The following ZFAND3 variants were observed in gnomAD, a reference collection of about 807,000 sequenced individuals.
The protein encoded by ZFAND3 is AN1-type zinc finger protein 3.
Under a neutral mutation model 29.6 loss-of-function variants are expected in ZFAND3, and 10 were observed. That is an observed-to-expected ratio of 0.34 (90% CI 0.21 to 0.57). The LOEUF (loss-of-function observed/expected upper bound fraction) is 0.57. ZFAND3 is among the 20% of genes least tolerant of loss of function. ZFAND3 has a pLI of 0.86. For synonymous variants in ZFAND3, 128 were observed against 112.6 expected, an observed-to-expected ratio of 1.14 and a Z score of -0.87; for missense variants, 230 against 304.5, an observed-to-expected ratio of 0.76 and a Z score of 1.82.
At chr6:37,887,700 T>A (rs868199558) in intron 1 of ZFAND3, among the ~76,000 whole-genome samples, 3 of 152,330 alleles carry the variant, frequency 2.0e-5, no homozygotes, top group Non-Finnish European at 1.5e-5. Context: ...AAATGATTAT[T>A]TTATGTAGTG....
intron 4 of ZFAND3, among the ~76,000 whole-genome samples, chr6:38,108,403 G>A (rs1362168615): frequency 4.5e-4 from 69 of 152,166 alleles, no homozygotes. Context: ...CTGGGGAATA[G>A]AGAAGCCAAT....
chr6:37,988,321 G>A (rs899773938), intron 2 of ZFAND3, among the ~76,000 whole-genome samples: 1 of 152,184 alleles, frequency 6.6e-6, no homozygotes, highest in Admixed American at 6.5e-5. Context: ...GTGTAAATAT[G>A]TGGTCTCAAT....
chr6:37,894,819 T>A (rs1363159252), intron 1 of ZFAND3, among the ~76,000 whole-genome samples: 1 of 152,244 alleles, frequency 6.6e-6, no homozygotes, highest in Non-Finnish European at 1.5e-5. Context: ...ATCCTAAAGA[T>A]GTTGCTCTAC....
At chr6:37,940,834 G>C (rs1460341557) in intron 2 of ZFAND3, among the ~76,000 whole-genome samples, 1 of 152,156 alleles carries the variant, frequency 6.6e-6, no homozygotes, top group Non-Finnish European at 1.5e-5. Context: ...TGAAGAAAAA[G>C]AAAAATGACA....
intron 4 of ZFAND3, among the ~76,000 whole-genome samples, chr6:38,111,045 C>T (rs1020970202): frequency 1.2e-4 from 19 of 152,176 alleles, no homozygotes; most frequent in African/African-American, 3.9e-4. Context: ...TGAATTTCTG[C>T]CAGAGACAAA....
intron 1 of ZFAND3, among the ~76,000 whole-genome samples, chr6:37,837,902 A>G (rs891651740): frequency 1.3e-5 from 2 of 152,222 alleles, no homozygotes; most frequent in East Asian, 1.9e-4. Context: ...AATTATATTG[A>G]TACAATTTAA....
rs1280533743 is a variant in ZFAND3 at position 37,883,646 on chromosome 6, A to G, written c.72-46313A>G. Among the ~76,000 whole-genome samples, 5 of 143,492 alleles carry G rather than the reference A, an allele frequency of 3.5e-5. 2 individuals are homozygous for G. The highest frequency in any genetic ancestry group is 3.0e-5 in the Non-Finnish European group (2 of 67,082). 94.1% of individuals were successfully genotyped at this position (143,492 alleles called of 152,430 possible). On this transcript the variant is annotated intron_variant, in intron 1 of 5. Coordinates refer to ENST00000287218, the MANE Select transcript of ZFAND3 (RefSeq NM_021943.3). The stretch of plus-strand genomic sequence containing the variant: ...CAACCTCTGCCTCCTGGGTTCAAGC[A>G]ATTCTCTGCCTCAGCCTCCTGAGTA...
At position 37,832,705 on chromosome 6, in the gene ZFAND3, G is replaced by A. The variant is rs59649654; in HGVS notation, c.71+12689G>A. Among the ~76,000 whole-genome samples, 2,571 of 151,880 alleles carry A rather than the reference G, an allele frequency of 0.017. 249 individuals carry two copies. In the East Asian group the frequency reaches 0.28, roughly 16 times the overall value. On this transcript the variant is annotated intron_variant, in intron 1 of 5. Transcript: ENST00000287218. Reference sequence around the variant, plus strand: ...TCCCCTCTCTCCTCGACAGGGTCTCGCTCTGTTGCCCAGGAGGCTAGAGTG... The same window carrying A: ...TCCCCTCTCTCCTCGACAGGGTCTCACTCTGTTGCCCAGGAGGCTAGAGTG...
At chr6:38,049,020 A>C (rs1179588026) in intron 2 of ZFAND3, among the ~76,000 whole-genome samples, 1 of 152,122 alleles carries the variant, frequency 6.6e-6, no homozygotes, top group East Asian at 1.9e-4. Context: ...TATTTTTTTT[A>C]CATTTGAAAT....
At chr6:37,930,633 G>A (rs1390740274) in intron 2 of ZFAND3, among the ~76,000 whole-genome samples, 1 of 152,022 alleles carries the variant, frequency 6.6e-6, no homozygotes, top group African/African-American at 2.4e-5. Context: ...GAAGGACTTG[G>A]GCTTGACATG....
intron 2 of ZFAND3, among the ~76,000 whole-genome samples, chr6:37,995,007 G>A (rs1762826308): frequency 6.6e-6 from 1 of 152,190 alleles, no homozygotes; most frequent in Non-Finnish European, 1.5e-5. Context: ...TCCAGGCAGT[G>A]TGTAGCAGTT....
intron 1 of ZFAND3, among the ~76,000 whole-genome samples, chr6:37,895,293 T>G (rs1048954022): frequency 6.6e-6 from 1 of 151,764 alleles, no homozygotes; most frequent in Admixed American, 6.6e-5. Context: ...GTTTTTATCA[T>G]CTCAATATAG....
chr6:38,022,091 G>A (rs1226613861), intron 2 of ZFAND3, among the ~76,000 whole-genome samples: 1 of 152,160 alleles, frequency 6.6e-6, no homozygotes, highest in Admixed American at 6.5e-5. Flanking sequence ...CATTCAAAAT[G>A]TGCTCCTTAT....
At chr6:37,995,219 C>G (rs116442478) in intron 2 of ZFAND3, among the ~76,000 whole-genome samples, 139 of 152,194 alleles carry the variant, frequency 9.1e-4, no homozygotes, top group African/African-American at 2.9e-3. Context: ...TTGAGGTGAT[C>G]TTCTTAGTAG....
intron 5 of ZFAND3, among the ~76,000 whole-genome samples, chr6:38,116,960 C>A (rs1390372237): frequency 6.6e-6 from 1 of 152,134 alleles, no homozygotes; most frequent in Non-Finnish European, 1.5e-5. Flanking sequence ...ACAAAAACAT[C>A]CCCATGTTCT....
chr6:37,945,917 C>CACCA (rs776564521), intron 2 of ZFAND3, among the ~76,000 whole-genome samples: 3 of 152,182 alleles, frequency 2.0e-5, no homozygotes, highest in Non-Finnish European at 2.9e-5. Context: ...CACTGCTGGT[C>CACCA]ACCACTTCTT....
At chr6:37,879,618 C>T (rs187184013) in intron 1 of ZFAND3, among the ~76,000 whole-genome samples, 1 of 152,098 alleles carries the variant, frequency 6.6e-6, no homozygotes, top group African/African-American at 2.4e-5. Context: ...CTTTATTTTG[C>T]CTGTATTTGG....
At chr6:37,917,039 G>A (rs920256731) in intron 1 of ZFAND3, among the ~76,000 whole-genome samples, 1 of 152,196 alleles carries the variant, frequency 6.6e-6, no homozygotes, top group African/African-American at 2.4e-5. Context: ...CAAACATAGT[G>A]ATGCTGACAT....
At chr6:38,108,266 G>C (rs1430389042) in intron 4 of ZFAND3, among the ~76,000 whole-genome samples, 2 of 152,012 alleles carry the variant, frequency 1.3e-5, no homozygotes, top group Admixed American at 1.3e-4. Flanking sequence ...ATATGGAGGG[G>C]CGAGTGTATT....
Sources: gnomAD v4.1 joint callset for allele counts (sites outside exome capture counted in the v4.1 genomes callset) on GRCh38, gnomAD v4.1.1 for gene constraint, MANE v1.5 for transcripts, NCBI Gene and HGNC (gene_info 2026-07-23, HGNC 2026-07-21) for gene names.